The following DGKB variants were observed in gnomAD, a reference collection of about 807,000 sequenced individuals.
DGKB encodes diacylglycerol kinase beta.
A neutral mutation model predicts 114.3 loss-of-function variants in DGKB; 67 were observed. The ratio of observed to expected loss-of-function variants is 0.59; its 90% CI spans 0.48 to 0.72. The LOEUF is 0.72. Among genes scored for constraint, DGKB ranks in the 30% least tolerant of loss-of-function variants. The pLI is 0.00. For synonymous variants in DGKB, 398 were observed against 323.1 expected (o/e 1.23, Z -2.49); for missense variants, 907 against 975.2 (o/e 0.93, Z 0.93).
In DGKB at chr7:14,288,287, G is replaced by GT. The variant is rs72215994; in HGVS notation, c.2122+50227dup. On this transcript the variant is annotated intron_variant, in intron 23 of 25. Coordinates refer to ENST00000402815, the MANE Select transcript of DGKB (RefSeq NM_001350709.2). Reference sequence around the variant, plus strand: ...AAAAAAAAGAAACAAACTACCCTGAGTTTTTTTTTTTTTTTTTTACTGATA... The same window carrying GT: ...AAAAAAAAGAAACAAACTACCCTGAGTTTTTTTTTTTTTTTTTTTACTGATA... Among the ~76,000 whole-genome samples, 179 of 91,484 alleles carry GT rather than the reference G, an allele frequency of 2.0e-3. No individual in the cohort carries two copies. The East Asian group carries it at 0.025, about 13-fold the overall frequency. 60.0% of individuals were successfully genotyped at this position (91,484 alleles called of 152,430 possible).
intron 23 of DGKB, among the ~76,000 whole-genome samples, chr7:14,265,025 C>CT (rs1359551305): frequency 2.0e-5 from 3 of 152,046 alleles, no homozygotes; most frequent in Non-Finnish European, 4.4e-5. Flanking sequence ...TCTGTAAGGA[C>CT]TTTAAGTAGA....
At chr7:14,762,390 T>C (rs951031398) in intron 2 of DGKB, among the ~76,000 whole-genome samples, 1 of 152,134 alleles carries the variant, frequency 6.6e-6, no homozygotes, top group East Asian at 1.9e-4. Context: ...AACAATGCCA[T>C]GAGAGTTAAA....
At chr7:14,902,286 C>G (rs1331232576) in intron 1 of DGKB, among the ~76,000 whole-genome samples, 1 of 152,158 alleles carries the variant, frequency 6.6e-6, no homozygotes. Context: ...TCATTGGTAA[C>G]TTTCAGGAGA....
chr7:14,839,581 C>T (rs528026273), intron 2 of DGKB, among the ~76,000 whole-genome samples: 160 of 149,066 alleles, frequency 1.1e-3, no homozygotes, highest in Non-Finnish European at 1.6e-3. Flanking sequence ...TTTTTTTTTT[C>T]CATAGAGACA....
chr7:14,261,360 C>T (rs1796753503), intron 23 of DGKB, among the ~76,000 whole-genome samples: 1 of 151,936 alleles, frequency 6.6e-6, no homozygotes, highest in Non-Finnish European at 1.5e-5. Context: ...TAGGTGGCCT[C>T]TTCATATTTT....
intron 22 of DGKB, among the ~76,000 whole-genome samples, chr7:14,344,121 T>C (rs1812087288): frequency 6.6e-6 from 1 of 150,756 alleles, no homozygotes; most frequent in Non-Finnish European, 1.5e-5. Flanking sequence ...GCATATATCA[T>C]ACATATACAC....
At chr7:14,598,842 C>T (rs1039616638) in intron 17 of DGKB, among the ~76,000 whole-genome samples, 1 of 152,126 alleles carries the variant, frequency 6.6e-6, no homozygotes, top group African/African-American at 2.4e-5. Context: ...TTCTCACATA[C>T]ATTTCATGAA....
At chr7:14,685,734 C>G (rs1014673007) in intron 9 of DGKB, among the ~76,000 whole-genome samples, 3 of 152,054 alleles carry the variant, frequency 2.0e-5, no homozygotes, top group African/African-American at 7.2e-5. Context: ...GAGAAAATAC[C>G]CTTCAGTGGA....
In DGKB at chr7:14,687,270, C is replaced by A. The variant is rs76151593; in HGVS notation, c.712-1908G>T. Among the ~76,000 whole-genome samples, 36 of 152,282 alleles carry A rather than the reference C, an allele frequency of 2.4e-4. No homozygotes were observed. In the East Asian group the frequency reaches 6.8e-3, roughly 29 times the overall value. On this transcript the variant is annotated intron_variant, in intron 9 of 25. Transcript: ENST00000402815. ...CTGTGGCAAGCTAATACATTAACTT[C>A]CAATAGGGTAAATTTTGGACCCTTT... is the stretch of plus-strand genomic sequence containing the variant.
At chr7:14,597,217 C>A (rs1802733261) in intron 17 of DGKB, among the ~76,000 whole-genome samples, 1 of 151,984 alleles carries the variant, frequency 6.6e-6, no homozygotes, top group South Asian at 2.1e-4. Context: ...CAAAAAAAAC[C>A]ATGAATAATT....
chr7:14,630,187 TATA>T, intron 14 of DGKB, 46 bp downstream of exon 14: 1 of 1,317,012 alleles, frequency 7.6e-7, no homozygotes. Flanking sequence ...ATACAAGATG[TATA>T]ATGACCTATA....
intron 14 of DGKB, 137 bp downstream of exon 14, chr7:14,630,099 G>T (rs759175514): frequency 8.3e-6 from 4 of 480,080 alleles, no homozygotes; most frequent in Non-Finnish European, 1.4e-5. Flanking sequence ...CTTCCAATTA[G>T]CAGAATATGA....
intron 1 of DGKB, among the ~76,000 whole-genome samples, chr7:14,863,959 C>G (rs1018506348): frequency 1.8e-4 from 27 of 151,930 alleles, no homozygotes; most frequent in South Asian, 1.0e-3. Context: ...ATTAGCCAGG[C>G]GTGGTGGCAC....
chr7:14,316,702 G>C (rs1806606401), intron 23 of DGKB, among the ~76,000 whole-genome samples: 1 of 148,030 alleles, frequency 6.8e-6, no homozygotes, highest in South Asian at 2.2e-4. Context: ...TTCTACCAGA[G>C]GTACAAGGAG....
chr7:14,275,895 G>A (rs1711991199), intron 23 of DGKB, among the ~76,000 whole-genome samples: 1 of 152,178 alleles, frequency 6.6e-6, no homozygotes, highest in African/African-American at 2.4e-5. Context: ...ACTTTGTACA[G>A]TAGGTGAGCG....
intron 1 of DGKB, among the ~76,000 whole-genome samples, chr7:14,959,720 G>C (rs1471623207): frequency 6.6e-6 from 1 of 150,890 alleles, no homozygotes; most frequent in Non-Finnish European, 1.5e-5. Context: ...TCTGTGGGGA[G>C]AAGTGAGTGA....
intron 2 of DGKB, among the ~76,000 whole-genome samples, chr7:14,828,275 T>C (rs1845962036): frequency 6.6e-6 from 1 of 151,974 alleles, no homozygotes; most frequent in East Asian, 1.9e-4. Context: ...AACATAAATC[T>C]CTCCAAGATG....
intron 12 of DGKB, among the ~76,000 whole-genome samples, chr7:14,676,813 C>G (rs1300262430): frequency 6.6e-6 from 1 of 151,820 alleles, no homozygotes; most frequent in Admixed American, 6.6e-5. Context: ...GATGCTGCCT[C>G]TTTAGTAAAA....
At chr7:14,646,032 C>T (rs1422110097) in intron 13 of DGKB, among the ~76,000 whole-genome samples, 3 of 152,148 alleles carry the variant, frequency 2.0e-5, no homozygotes, top group Admixed American at 1.3e-4. Context: ...CTATCAACAA[C>T]TATGAAGAGG....
Sources: allele counts gnomAD v4.1 joint callset (sites outside exome capture counted in the v4.1 genomes callset), GRCh38; gene constraint gnomAD v4.1.1; transcripts MANE v1.5; gene names NCBI Gene and HGNC (gene_info 2026-07-23, HGNC 2026-07-21).